DYNC1I1: variants seen among roughly 807,000 people sequenced by gnomAD.
DYNC1I1 encodes cytoplasmic dynein 1 intermediate chain 1.
Under a neutral mutation model 86.6 loss-of-function variants are expected in DYNC1I1, and 43 were observed. The ratio of observed to expected loss-of-function variants is 0.50; its 90% CI spans 0.39 to 0.64. The LOEUF (loss-of-function observed/expected upper bound fraction) is 0.64. Among genes scored for constraint, DYNC1I1 ranks in the 30% least tolerant of loss-of-function variants. The pLI is 0.00. For synonymous variants in DYNC1I1, 262 were observed against 283.7 expected (o/e 0.92, Z 0.77); for missense variants, 604 against 788.8 (o/e 0.77, Z 2.81).
intron 14 of DYNC1I1, among the ~76,000 whole-genome samples, chr7:96,058,573 C>T (rs11983484): frequency 0.29 from 44,571 of 151,974 alleles, 7,105 homozygotes; most frequent in African/African-American, 0.42. Flanking sequence ...AAAACCCCCC[C>T]GACTTCACAA....
intron 10 of DYNC1I1, among the ~76,000 whole-genome samples, chr7:96,020,604 T>C (rs1360150570): frequency 6.6e-6 from 1 of 152,036 alleles, no homozygotes; most frequent in Non-Finnish European, 1.5e-5. Context: ...TGATGGTTTG[T>C]CAAAAAATCA....
At chr7:96,062,688 A>G (rs1023576853) in intron 14 of DYNC1I1, among the ~76,000 whole-genome samples, 1 of 152,186 alleles carries the variant, frequency 6.6e-6, no homozygotes, top group African/African-American at 2.4e-5. Flanking sequence ...TCAGGAACCT[A>G]TTCAACAGTA....
At chr7:96,098,573 G>T (rs759475226), downstream of DYNC1I1, 1 of 407,278 alleles carries the variant, frequency 2.5e-6, no homozygotes, top group Non-Finnish European at 3.3e-6. Flanking sequence ...CTTAAACCAA[G>T]ACTCCTAGTT....
intron 6 of DYNC1I1, among the ~76,000 whole-genome samples, chr7:95,966,283 G>C (rs752538235): frequency 6.6e-6 from 1 of 152,186 alleles, no homozygotes; most frequent in Non-Finnish European, 1.5e-5. Context: ...TCTCTCAGAA[G>C]TGTCCCAATT....
intron 14 of DYNC1I1, among the ~76,000 whole-genome samples, chr7:96,052,368 A>C (rs1789428760): frequency 6.6e-6 from 1 of 152,158 alleles, no homozygotes; most frequent in Non-Finnish European, 1.5e-5. Context: ...GAGAAAGGAA[A>C]GGGCATTCAA....
At chr7:96,026,174 T>C (rs1363003055) in intron 10 of DYNC1I1, among the ~76,000 whole-genome samples, 1 of 152,128 alleles carries the variant, frequency 6.6e-6, no homozygotes, top group African/African-American at 2.4e-5. Flanking sequence ...GAAAACCAGA[T>C]TGGGGCATGA....
chr7:96,031,201 CT>C (rs1028934873), intron 11 of DYNC1I1, among the ~76,000 whole-genome samples: 1 of 152,052 alleles, frequency 6.6e-6, no homozygotes, highest in Non-Finnish European at 1.5e-5. Flanking sequence ...CTGTTTTATT[CT>C]CAGAACCTCA....
intron 8 of DYNC1I1, among the ~76,000 whole-genome samples, chr7:95,986,664 C>T (rs568574866): frequency 2.0e-5 from 3 of 152,088 alleles, no homozygotes; most frequent in South Asian, 2.1e-4. Context: ...AAGGTAGTAT[C>T]GATATCAAAG....
At position 95,977,542 on chromosome 7, in the gene DYNC1I1, C is replaced by T. The variant is rs1793338357; in HGVS notation, c.521C>T (p.Ser174Phe). The T allele has an allele frequency of 1.2e-6, 2 of 1,613,240 alleles. No individual in the cohort carries two copies. Among genetic ancestry groups the T allele is most frequent in the Admixed American group, 3.3e-5 (2 of 59,922 alleles). Residue 174 changes from serine to phenylalanine, a missense_variant, in exon 7 of 17, where the codon TCT becomes TTT. Ser to Phe is a radical substitution (Grantham distance 155, BLOSUM62 -2). Coordinates refer to ENST00000447467, the MANE Select transcript of DYNC1I1 (RefSeq NM_001135556.2). ...GAGGAAGATGAGGAAATGGTGGAATCTAAAGTTGGCCAGGACTCAGAACTG... is the reference window on the plus strand; with the variant it reads ...GAGGAAGATGAGGAAATGGTGGAATTTAAAGTTGGCCAGGACTCAGAACTG... Reference protein sequence around the residue: ...EDEEDEEMVESKVGQDSELEN... With the variant: ...EDEEDEEMVEFKVGQDSELEN...
chr7:95,942,226 C>T (rs915389500), intron 6 of DYNC1I1, among the ~76,000 whole-genome samples: 17 of 152,162 alleles, frequency 1.1e-4, no homozygotes, highest in African/African-American at 1.9e-4. Context: ...AACTACCATC[C>T]GAGAATACTA....
chr7:95,944,501 T>C (rs1351046457), intron 6 of DYNC1I1, among the ~76,000 whole-genome samples: 1 of 152,230 alleles, frequency 6.6e-6, no homozygotes, highest in African/African-American at 2.4e-5. Flanking sequence ...AAATACCATC[T>C]GACCCAGCCA....
chr7:95,774,645 G>C lies in DYNC1I1; in HGVS notation c.-10+1872G>C, dbSNP rs114679903. Among the ~76,000 whole-genome samples the C allele has an allele frequency of 2.5e-3, 382 of 152,252 alleles. 1 individual carries two copies. The highest frequency in any genetic ancestry group is 9.0e-3 in the African/African-American group (375 of 41,548). On this transcript the variant is annotated intron_variant, in intron 1 of 16. Coordinates refer to ENST00000447467, the MANE Select transcript of DYNC1I1 (RefSeq NM_001135556.2). ...CACCATGTTTTATATCTCAGAGAAG[G>C]CTCTAGGGTCTTTCTTCCCAATCCC...
intron 6 of DYNC1I1, among the ~76,000 whole-genome samples, chr7:95,914,076 G>A (rs551356923): frequency 1.3e-5 from 2 of 152,328 alleles, no homozygotes; most frequent in South Asian, 4.1e-4. Flanking sequence ...CAGGGACTGG[G>A]TTGATAGGTT....
rs1795242155 is a variant in DYNC1I1, at chr7:95,828,078, C to G, written c.336C>G (p.Asp112Glu). The G allele has an allele frequency of 6.2e-7, 1 of 1,613,822 alleles. No individual in the cohort carries two copies. ...TTAGGACCCTGCAGTGGGACACAGACCCCTCAGTGCTCCAGCTGCAGTCAG... is the reference window on the plus strand; with the variant it reads ...TTAGGACCCTGCAGTGGGACACAGAGCCCTCAGTGCTCCAGCTGCAGTCAG... ...PLTRTLQWDTDPSVLQLQSDS... is the reference protein window; with the variant it reads ...PLTRTLQWDTEPSVLQLQSDS... Residue 112 changes from aspartate to glutamate, a missense_variant, in exon 5 of 17, where the codon GAC becomes GAG. Coordinates refer to ENST00000447467, the MANE Select transcript of DYNC1I1 (RefSeq NM_001135556.2).
intron 6 of DYNC1I1, among the ~76,000 whole-genome samples, chr7:95,943,221 T>C (rs1277571674): frequency 3.3e-5 from 5 of 151,228 alleles, no homozygotes; most frequent in African/African-American, 4.9e-5. Flanking sequence ...CATTCTTATA[T>C]GCCAATAACA....
intron 6 of DYNC1I1, among the ~76,000 whole-genome samples, chr7:95,907,844 A>G (rs558693504): frequency 6.6e-6 from 1 of 151,700 alleles, no homozygotes; most frequent in South Asian, 2.1e-4. Flanking sequence ...TAACAGAATT[A>G]TCAGTTACAT....
At chr7:96,090,497 T>C (rs550261411) in intron 16 of DYNC1I1, among the ~76,000 whole-genome samples, 24 of 148,802 alleles carry the variant, frequency 1.6e-4, no homozygotes, top group Admixed American at 6.1e-4. Context: ...TAGGTGGTAA[T>C]GGATTTTTTA....
intron 6 of DYNC1I1, among the ~76,000 whole-genome samples, chr7:95,957,157 G>A (rs747475433): frequency 1.3e-5 from 2 of 152,124 alleles, no homozygotes; most frequent in African/African-American, 4.8e-5. Flanking sequence ...ACTTCACTAT[G>A]AAATGAGGCT....
intron 4 of DYNC1I1, among the ~76,000 whole-genome samples, chr7:95,825,964 A>G (rs568193390): frequency 2.0e-5 from 3 of 152,320 alleles, no homozygotes; most frequent in African/African-American, 4.8e-5. Flanking sequence ...GGATCAGCTT[A>G]TTAAAGCTCT....
Sources: gnomAD v4.1 joint callset for allele counts (sites outside exome capture counted in the v4.1 genomes callset) on GRCh38, gnomAD v4.1.1 for gene constraint, MANE v1.5 for transcripts, NCBI Gene and HGNC (gene_info 2026-07-23, HGNC 2026-07-21) for gene names.